The following TANK variants were observed in gnomAD, a reference collection of about 807,000 sequenced individuals.
TANK encodes TRAF family member-associated NF-kappa-B activator.
A neutral mutation model predicts 43.6 loss-of-function variants in TANK; 15 were observed. That is an observed-to-expected ratio of 0.34 (90% CI 0.23 to 0.53). The LOEUF (loss-of-function observed/expected upper bound fraction) is 0.53, where lower values mean the gene tolerates loss of function less well. Among genes scored for constraint, TANK ranks in the 20% least tolerant of loss-of-function variants. The probability of loss-of-function intolerance (pLI) is 0.94; values close to 1 mark genes in which losing one functional copy is unlikely to be tolerated. For synonymous variants in TANK, 162 were observed against 178.2 expected (o/e 0.91, Z 0.73); for missense variants, 417 against 498.6 (o/e 0.84, Z 1.56).
chr2:161,166,646 C>T (rs1240260218), intron 1 of TANK, among the ~76,000 whole-genome samples: 1 of 152,002 alleles, frequency 6.6e-6, no homozygotes, highest in East Asian at 1.9e-4. Flanking sequence ...TGTAGTGGGG[C>T]ACAGTGGCTT....
chr2:161,163,760 T>A (rs1247323693), intron 1 of TANK, among the ~76,000 whole-genome samples: 1 of 152,218 alleles, frequency 6.6e-6, no homozygotes, highest in East Asian at 1.9e-4. Context: ...TATACTTATT[T>A]AACATGAAGT....
In TANK at chr2:161,231,207, C is replaced by A; in HGVS notation, c.757C>A (p.Pro253Thr). ...STFLHSTPER[P>T]GILSPATSEA... ...TTTCTTACATAGCACTCCAGAGAGA[C>A]CCGGCATCCTTAGTCCTGCCACGTC... The change falls in exon 7 of 8, where the codon CCC becomes ACC. Residue 253 changes from proline (P) to threonine (T), a missense_variant. Physicochemically the swap from Pro to Thr is conservative, Grantham distance 38. Coordinates refer to ENST00000392749, the MANE Select transcript of TANK (RefSeq NM_001199135.3). 1 of 1,613,982 alleles carries A rather than the reference C, an allele frequency of 6.2e-7. No individual in the cohort carries two copies. The highest frequency in any genetic ancestry group is 1.1e-5 in the South Asian group (1 of 91,078).
chr2:161,225,875 A>T lies in TANK; in HGVS notation c.520+1129A>T, dbSNP rs149768326. The stretch of plus-strand genomic sequence containing the variant: ...CAGAAAAGTTACACAATGTGGTATT[A>T]CAGAAACAAAATAATCTTTGTAGAC... On this transcript the variant is annotated intron_variant, in intron 6 of 7. Coordinates refer to ENST00000392749, the MANE Select transcript of TANK (RefSeq NM_001199135.3). 7.5e-3 allele frequency among the ~76,000 whole-genome samples: 1,141 copies of T among 152,324 alleles called. 13 individuals carry two copies. Among genetic ancestry groups the T allele is most frequent in the South Asian group, 0.041 (197 of 4,830 alleles).
intron 4 of TANK, among the ~76,000 whole-genome samples, chr2:161,208,983 A>G (rs2105354337): frequency 6.6e-6 from 1 of 152,330 alleles, no homozygotes. Context: ...TGGTGTACAG[A>G]AGAGGATGTG....
intron 1 of TANK, among the ~76,000 whole-genome samples, chr2:161,151,099 GTA>G (rs1432169254): frequency 2.6e-5 from 4 of 152,036 alleles, no homozygotes; most frequent in African/African-American, 9.7e-5. Flanking sequence ...AGTTTTCCTT[GTA>G]TTAACTTCTA....
At chr2:161,156,982 A>C (rs115213726), upstream of TANK, among the ~76,000 whole-genome samples, 338 of 152,278 alleles carry the variant, frequency 2.2e-3, no homozygotes, top group Non-Finnish European at 3.6e-3. Context: ...CATTACACCT[A>C]TCCACTCCCT....
intron 4 of TANK, chr2:161,212,839 G>C (rs1558999469): frequency 1.1e-6 from 1 of 901,918 alleles, no homozygotes; most frequent in Non-Finnish European, 1.3e-6. Context: ...ATCTTAGTCT[G>C]TATTGCTGTA....
chr2:161,207,902 T>C (rs1427641003), intron 4 of TANK: 2 of 982,046 alleles, frequency 2.0e-6, no homozygotes, highest in Non-Finnish European at 2.4e-6. Flanking sequence ...TTTTATTCTA[T>C]TTTTAATATA....
intron 2 of TANK, among the ~76,000 whole-genome samples, chr2:161,193,472 C>A (rs546955672): frequency 6.6e-6 from 1 of 152,164 alleles, no homozygotes; most frequent in Admixed American, 6.5e-5. Flanking sequence ...GTAATCCCAG[C>A]GCTTTGAGAG....
intron 2 of TANK, chr2:161,201,314 A>T: frequency 1.1e-6 from 1 of 882,368 alleles, no homozygotes; most frequent in Non-Finnish European, 1.4e-6. Flanking sequence ...AATATCTTAT[A>T]TGCAGATGTG....
chr2:161,162,718 C>T (rs770537841), intron 1 of TANK: 2 of 152,036 alleles, frequency 1.3e-5, no homozygotes, highest in Non-Finnish European at 2.9e-5. Flanking sequence ...GTGATTTTTG[C>T]AGAGAACTGT....
At chr2:161,178,025 G>T (rs11684253) in intron 1 of TANK, among the ~76,000 whole-genome samples, 65,195 of 151,844 alleles carry the variant, frequency 0.43, 14,704 homozygotes, top group Admixed American at 0.55. Context: ...AGAAGTATTG[G>T]TGTGGATGTG....
chr2:161,224,491 T>G (rs552154941), intron 5 of TANK, 140 bp from the exon 6 acceptor site: 3 of 458,590 alleles, frequency 6.5e-6, no homozygotes, highest in Non-Finnish European at 1.2e-5. Context: ...TTGGGGACAT[T>G]GTTTAGGAAT....
chr2:161,222,383 CAT>C (rs1483945051), intron 4 of TANK, among the ~76,000 whole-genome samples: 2 of 152,030 alleles, frequency 1.3e-5, no homozygotes, highest in Admixed American at 6.6e-5. Context: ...ATTTGTTTGA[CAT>C]ATTAAATTAT....
At chr2:161,173,167 T>TTATG (rs1685028028) in intron 1 of TANK, among the ~76,000 whole-genome samples, 1 of 152,154 alleles carries the variant, frequency 6.6e-6, no homozygotes, top group South Asian at 2.1e-4. Flanking sequence ...ATCATGGTCT[T>TTATG]TATGTATGGT....
At chr2:161,187,874 T>C (rs547564355) in intron 2 of TANK, among the ~76,000 whole-genome samples, 10 of 152,214 alleles carry the variant, frequency 6.6e-5, no homozygotes, top group Admixed American at 1.3e-4. Context: ...CTAATCACAA[T>C]GAAATGAAAC....
chr2:161,212,838 T>C lies in TANK; in HGVS notation c.327+8045T>C, dbSNP rs931224936. Reference sequence around the variant, plus strand: ...CCCCCTGTCCACCTCCATCTTAGTCTGTATTGCTGTAAAGGAATACCTGAG... The same window carrying C: ...CCCCCTGTCCACCTCCATCTTAGTCCGTATTGCTGTAAAGGAATACCTGAG... On this transcript the variant is annotated intron_variant, in intron 4 of 7. Transcript: ENST00000392749. 5 of 901,602 alleles carry C rather than the reference T, an allele frequency of 5.5e-6. No homozygotes were observed. The African/African-American group carries it at 9.0e-5, about 16-fold the overall frequency. The allele number at this position is 901,602 out of a possible 1,614,324, so 55.9% of individuals were successfully genotyped here. A position where few individuals can be genotyped will look rare whatever the true frequency, so the allele number is the denominator to read the frequency against.
At chr2:161,199,080 T>G (rs1686287068) in intron 2 of TANK, among the ~76,000 whole-genome samples, 1 of 152,220 alleles carries the variant, frequency 6.6e-6, no homozygotes, top group South Asian at 2.1e-4. Flanking sequence ...TTAGTTTCTA[T>G]CTAAAGTGCT....
At chr2:161,206,793 A>C (rs530568339) in intron 4 of TANK, among the ~76,000 whole-genome samples, 1 of 152,276 alleles carries the variant, frequency 6.6e-6, no homozygotes, top group African/African-American at 2.4e-5. Context: ...TTGAATTACT[A>C]TACTGACATA....
Sources: gnomAD v4.1 joint callset for allele counts (sites outside exome capture counted in the v4.1 genomes callset) on GRCh38, gnomAD v4.1.1 for gene constraint, MANE v1.5 for transcripts, NCBI Gene and HGNC (gene_info 2026-07-23, HGNC 2026-07-21) for gene names.